The following TSGA10IP variants were observed in gnomAD, a reference collection of about 807,000 sequenced individuals.
The protein encoded by TSGA10IP is testis-specific protein 10-interacting protein.
Under a neutral mutation model 63.2 loss-of-function variants are expected in TSGA10IP, and 64 were observed. The observed-to-expected ratio is 1.01, with a 90% CI of 0.83 to 1.25. TSGA10IP has a LOEUF of 1.25. Ranked by LOEUF, TSGA10IP falls within the 50% of genes most tolerant of loss-of-function variation. The pLI is 0.00. For missense variants in TSGA10IP, 681 were observed against 710.1 expected, an observed-to-expected ratio of 0.96 and a Z score of 0.47; for synonymous variants, 316 against 298.3, an observed-to-expected ratio of 1.06 and a Z score of -0.61.
intron 5 of TSGA10IP, 21 bp downstream of exon 5, chr11:65,953,758 G>C (rs1381182842): frequency 2.0e-6 from 3 of 1,495,400 alleles, no homozygotes; most frequent in Middle Eastern, 4.4e-4. Flanking sequence ...TGGGCTTCGG[G>C]AGGCCTGGTT....
At chr11:65,953,382 G>A (rs569193184) in intron 4 of TSGA10IP, among the ~76,000 whole-genome samples, 185 bp from the exon 5 acceptor site, 1 of 151,910 alleles carries the variant, frequency 6.6e-6, no homozygotes, top group African/African-American at 2.4e-5. Context: ...AGCTGGGACC[G>A]AGGGCTGAGC....
chr11:65,947,892 AG>A lies in TSGA10IP; in HGVS notation c.1003+67del, dbSNP rs1029283940. Reference sequence around the variant, plus strand: ...ACACCGCAGGGAACAGGGAGCAGTCAGGGAGGCAGGGGCTCAGGCAGGCTGG... The same window carrying A: ...ACACCGCAGGGAACAGGGAGCAGTCAGGAGGCAGGGGCTCAGGCAGGCTGG... On this transcript the variant is annotated intron_variant, in intron 3 of 7. Coordinates refer to ENST00000532620, the Ensembl canonical transcript of TSGA10IP. 7.3e-6 allele frequency: 11 copies of A among 1,506,812 alleles called. No homozygotes were observed. In the Admixed American group the frequency reaches 2.2e-4, roughly 30 times the overall value. 93.3% of individuals were successfully genotyped at this position (1,506,812 alleles called of 1,614,324 possible).
intron 5 of TSGA10IP, among the ~76,000 whole-genome samples, chr11:65,956,953 T>C (rs1674655406): frequency 6.6e-6 from 1 of 152,164 alleles, no homozygotes; most frequent in African/African-American, 2.4e-5. Flanking sequence ...AAGGCATAAG[T>C]AGGTATCTCC....
chr11:65,956,058 G>A (rs1351077752), intron 5 of TSGA10IP, among the ~76,000 whole-genome samples: 2 of 152,106 alleles, frequency 1.3e-5, no homozygotes, highest in Non-Finnish European at 2.9e-5. Context: ...CGTGGCAAGT[G>A]GGGTGAGGGT....
Position 65,951,518 on chromosome 11 carries a change from T to TTTTTTATTATTATTATTA in TSGA10IP, c.1152-2047_1152-2046insTTTATTATTATTATTATT, listed in dbSNP as rs56793895. Among the ~76,000 whole-genome samples the TTTTTTATTATTATTATTA allele has an allele frequency of 1.2e-3, 164 of 139,112 alleles. 1 individual carries two copies. The highest frequency in any genetic ancestry group is 9.5e-3 in the East Asian group (46 of 4,862). The allele number at this position is 139,112 out of a possible 152,430, so 91.3% of individuals were successfully genotyped here. ...ATGTCTATTTGGGTTATTTGCTTAT[T>TTTTTTATTATTATTATTA]TTATTATTATTATTATTATTATTAT... On this transcript the variant is annotated intron_variant, in intron 4 of 7. Transcript: ENST00000532620.
chr11:65,959,958 T>A, exon 8 of TSGA10IP: 2 of 1,612,396 alleles, frequency 1.2e-6, no homozygotes, highest in Non-Finnish European at 1.7e-6. Flanking sequence ...TTAAAGGCTT[T>A]ATGGCAAACA....
At chr11:65,948,287 TC>T (rs1854882159) in intron 4 of TSGA10IP, 139 bp downstream of exon 4, 1 of 773,454 alleles carries the variant, frequency 1.3e-6, no homozygotes, top group African/African-American at 1.8e-5. Context: ...CATCCATCCA[TC>T]CATCCATCCA....
At chr11:65,951,347 A>G (rs1003224931) in intron 4 of TSGA10IP, among the ~76,000 whole-genome samples, 2 of 151,946 alleles carry the variant, frequency 1.3e-5, no homozygotes, top group Non-Finnish European at 2.9e-5. Context: ...TTTTCTCCAC[A>G]TCATCACCAA....
exon 5 of TSGA10IP, chr11:65,953,619 G>A (rs553020061): frequency 9.5e-6 from 15 of 1,586,762 alleles, no homozygotes; most frequent in South Asian, 5.6e-5. Flanking sequence ...GCAGCAGGCC[G>A]AGCTGCGGCG....
chr11:65,959,163 GC>G (rs1285669911), intron 6 of TSGA10IP, 26 bp from the exon 7 acceptor site: 7 of 1,597,302 alleles, frequency 4.4e-6, no homozygotes, highest in Admixed American at 1.7e-5. Context: ...CTGGTGCAGA[GC>G]AGGAAGCCGT....
At chr11:65,946,832 C>T in intron 1 of TSGA10IP, 48 bp from the exon 2 acceptor site, 1 of 1,597,866 alleles carries the variant, frequency 6.3e-7, no homozygotes, top group Non-Finnish European at 8.5e-7. Flanking sequence ...CAACACAGTC[C>T]AGGAGGCTGC....
At position 65,959,571 on chromosome 11, in the gene TSGA10IP, C is replaced by T. The variant is rs542971472; in HGVS notation, c.1548-246C>T. Among the ~76,000 whole-genome samples the T allele has an allele frequency of 2.6e-5, 4 of 152,318 alleles. No homozygotes were observed. In the South Asian group the frequency reaches 8.3e-4, roughly 32 times the overall value. On this transcript the variant is annotated intron_variant, in intron 7 of 7. Coordinates refer to ENST00000532620, the Ensembl canonical transcript of TSGA10IP. ...CTGCAACCATCTGAGCGGCCACACA[C>T]CAAGTCCCTCATTAGGGGCTGGCAC... is the stretch of plus-strand genomic sequence containing the variant.
At chr11:65,946,997 G>A in exon 2 of TSGA10IP, 1 of 1,613,966 alleles carries the variant, frequency 6.2e-7, no homozygotes, top group Non-Finnish European at 8.5e-7. Flanking sequence ...GAAAGGACAG[G>A]GCTCTGAAGA....
Position 65,948,155 on chromosome 11 carries a change from G to T in TSGA10IP, c.1151+7G>T, listed in dbSNP as rs756931026. 4 of 1,599,712 alleles carry T rather than the reference G, an allele frequency of 2.5e-6. No individual in the cohort carries two copies. In the South Asian group the frequency reaches 3.4e-5, roughly 14 times the overall value. ...AACGACAGGAAGCCACCAGGTAAGA[G>T]GGAAGAGAAGGGAGTGGGAGCCCAG... is the stretch of plus-strand genomic sequence containing the variant. On this transcript the variant is annotated splice_region_variant and intron_variant, in intron 4 of 7. Transcript: ENST00000532620.
intron 4 of TSGA10IP, among the ~76,000 whole-genome samples, chr11:65,950,711 C>A (rs1469295055): frequency 6.6e-6 from 1 of 151,908 alleles, no homozygotes; most frequent in East Asian, 1.9e-4. Flanking sequence ...TACAGGCACC[C>A]GCCACCACAC....
At chr11:65,945,558 C>G in exon 1 of TSGA10IP, 3 of 1,154,358 alleles carry the variant, frequency 2.6e-6, no homozygotes, top group Non-Finnish European at 3.7e-6. Flanking sequence ...GCCTCACATA[C>G]CCCACTGACC....
chr11:65,956,135 CTT>C (rs1357746313), intron 5 of TSGA10IP, among the ~76,000 whole-genome samples: 5 of 109,140 alleles, frequency 4.6e-5, no homozygotes, highest in African/African-American at 1.2e-4. Context: ...GAGGCTCAGT[CTT>C]TTTTTTTTTT....
rs200343600 is a variant in TSGA10IP, at chr11:65,948,276, T to TCATCCATCCATC, written c.1151+159_1151+170dup. On this transcript the variant is annotated intron_variant, in intron 4 of 7. Transcript: ENST00000532620. ...TTTATCCATTCACCAAACTTTTGGA[T>TCATCCATCCATC]CATCCATCCATCCATCCATCCATCC... 5.8e-5 allele frequency: 61 copies of TCATCCATCCATC among 1,048,754 alleles called. No homozygotes were observed. The Middle Eastern group carries it at 8.2e-4, about 14-fold the overall frequency. The allele number at this position is 1,048,754 out of a possible 1,614,324, so 65.0% of individuals were successfully genotyped here.
chr11:65,948,563 C>G (rs1285799578), intron 4 of TSGA10IP, among the ~76,000 whole-genome samples: 1 of 152,206 alleles, frequency 6.6e-6, no homozygotes, highest in Non-Finnish European at 1.5e-5. Flanking sequence ...GTAGTCCCAG[C>G]TACTCAGGAG....
Sources: gnomAD v4.1 joint callset for allele counts (sites outside exome capture counted in the v4.1 genomes callset) on GRCh38, gnomAD v4.1.1 for gene constraint, MANE v1.5 for transcripts, NCBI Gene and HGNC (gene_info 2026-07-23, HGNC 2026-07-21) for gene names.